Variants in RAB38 observed in about 807,000 individuals in gnomAD.
RAB38 encodes the protein ras-related protein Rab-38.
A neutral mutation model predicts 18.4 loss-of-function variants in RAB38; 15 were observed. The ratio of observed to expected loss-of-function variants is 0.82; its 90% CI spans 0.55 to 1.26. RAB38 has a LOEUF of 1.26. Among genes scored for constraint, RAB38 ranks in the 50% most tolerant of loss-of-function variants. The pLI is 0.00. For missense variants in RAB38, 294 were observed against 267.4 expected, an observed-to-expected ratio of 1.10 and a Z score of -0.69; for synonymous variants, 101 against 104.4, an observed-to-expected ratio of 0.97 and a Z score of 0.20.
At chr11:87,835,604 G>A in the RAB38 span, among the ~76,000 whole-genome samples, 46 of 152,194 alleles carry the variant, frequency 3.0e-4, no homozygotes, top group African/African-American at 1.1e-3. Flanking sequence ...TCTTAATTCA[G>A]TATGACTGCT....
At chr11:88,017,384 CGCAA>C in the RAB38 span, among the ~76,000 whole-genome samples, 1 of 151,420 alleles carries the variant, frequency 6.6e-6, no homozygotes, top group African/African-American at 2.4e-5. Flanking sequence ...CACACACAAA[CGCAA>C]AGAGAGAGAG....
the RAB38 span, among the ~76,000 whole-genome samples, chr11:87,977,776 T>A: frequency 3.5e-5 from 4 of 112,912 alleles, no homozygotes; most frequent in African/African-American, 1.4e-4. Flanking sequence ...TATAGTTATA[T>A]ATTATATCAT....
chr11:87,952,957 TTTTTAA>T, the RAB38 span, among the ~76,000 whole-genome samples: 2 of 136,620 alleles, frequency 1.5e-5, no homozygotes, highest in African/African-American at 2.5e-5. Flanking sequence ...GTTTTAAATG[TTTTTAA>T]TTTTAAAACA....
chr11:88,104,279 T>C, the RAB38 span, among the ~76,000 whole-genome samples: 1 of 148,334 alleles, frequency 6.7e-6, no homozygotes, highest in Admixed American at 6.8e-5. Flanking sequence ...TTACTAGTTA[T>C]TTTCTTACGT....
chr11:87,857,053 C>A, the RAB38 span, among the ~76,000 whole-genome samples: 2 of 151,956 alleles, frequency 1.3e-5, no homozygotes, highest in Admixed American at 1.3e-4. Flanking sequence ...GTAATGTTCC[C>A]CTTCCCGTGT....
the RAB38 span, among the ~76,000 whole-genome samples, chr11:87,942,136 T>G: frequency 2.0e-5 from 3 of 152,180 alleles, no homozygotes; most frequent in Non-Finnish European, 4.4e-5. Context: ...TTGCTCACCA[T>G]GAGCTGTGCC....
chr11:88,079,181 A>T, the RAB38 span, among the ~76,000 whole-genome samples: 1 of 151,900 alleles, frequency 6.6e-6, no homozygotes, highest in Non-Finnish European at 1.5e-5. Flanking sequence ...TAAAATAGAT[A>T]AATCTCTGGT....
At chr11:87,808,637 G>C in the RAB38 span, among the ~76,000 whole-genome samples, 4 of 151,936 alleles carry the variant, frequency 2.6e-5, no homozygotes, top group Non-Finnish European at 5.9e-5. Context: ...GGTAGAACAC[G>C]GTGTCTAAGA....
the RAB38 span, among the ~76,000 whole-genome samples, chr11:88,095,289 C>T: frequency 6.6e-6 from 1 of 151,848 alleles, no homozygotes; most frequent in East Asian, 1.9e-4. Flanking sequence ...TTTATATTTA[C>T]ACATTTGTAC....
chr11:87,854,825 G>A, the RAB38 span, among the ~76,000 whole-genome samples: 1 of 152,028 alleles, frequency 6.6e-6, no homozygotes, highest in Non-Finnish European at 1.5e-5. Context: ...GATGGAGTCT[G>A]GCTCTGTGGC....
chr11:87,873,223 G>A, the RAB38 span, among the ~76,000 whole-genome samples: 25 of 151,606 alleles, frequency 1.6e-4, no homozygotes, highest in African/African-American at 5.8e-4. Flanking sequence ...CTTTTCATAT[G>A]CTTACTTGTT....
chr11:88,031,286 A>C, the RAB38 span, among the ~76,000 whole-genome samples: 1 of 151,616 alleles, frequency 6.6e-6, no homozygotes, highest in African/African-American at 2.4e-5. Context: ...TGAATGGGCA[A>C]AAACTGGAAG....
chr11:87,847,138 A>G, the RAB38 span, among the ~76,000 whole-genome samples: 23 of 152,084 alleles, frequency 1.5e-4, no homozygotes, highest in Non-Finnish European at 3.1e-4. Context: ...AGTAAGTAGA[A>G]GAAAGATTTT....
chr11:87,852,314 A>G, the RAB38 span, among the ~76,000 whole-genome samples: 4 of 152,254 alleles, frequency 2.6e-5, no homozygotes, highest in African/African-American at 9.6e-5. Context: ...CCAAATGCCA[A>G]GCTGTCAAGA....
the RAB38 span, among the ~76,000 whole-genome samples, chr11:87,952,093 C>T: frequency 9.1e-4 from 138 of 152,106 alleles, 1 homozygote; most frequent in African/African-American, 3.1e-3. Flanking sequence ...TGGGTAAGGT[C>T]CTGGGAGCTC....
the RAB38 span, among the ~76,000 whole-genome samples, chr11:87,965,315 G>A: frequency 1.3e-5 from 2 of 151,218 alleles, no homozygotes; most frequent in African/African-American, 4.9e-5. Context: ...AATGATTACT[G>A]TGCTTGGGAA....
At chr11:87,961,347 G>T in the RAB38 span, among the ~76,000 whole-genome samples, 1 of 152,282 alleles carries the variant, frequency 6.6e-6, no homozygotes, top group South Asian at 2.1e-4. Flanking sequence ...GAGATTGTGT[G>T]ATCCATATAA....
At chr11:87,836,774 C>T in the RAB38 span, among the ~76,000 whole-genome samples, 2 of 152,310 alleles carry the variant, frequency 1.3e-5, no homozygotes, top group Admixed American at 1.3e-4. Flanking sequence ...TACCTCTTCT[C>T]TTTCCCCCAG....
At chr11:88,109,357 C>T (rs1027833182), downstream of RAB38, among the ~76,000 whole-genome samples, 3 of 152,088 alleles carry the variant, frequency 2.0e-5, no homozygotes, top group African/African-American at 7.2e-5. Context: ...TTACACCTTA[C>T]ACAAAAATTA....
Sources: allele counts gnomAD v4.1 joint callset (sites outside exome capture counted in the v4.1 genomes callset), GRCh38; gene constraint gnomAD v4.1.1; transcripts MANE v1.5; gene names NCBI Gene and HGNC (gene_info 2026-07-23, HGNC 2026-07-21).